Variants in ANK2 observed in about 807,000 individuals in gnomAD.
ANK2 encodes ankyrin-2.
ANK2 carries 83 observed loss-of-function variants against 360.5 expected under a neutral mutation model. The observed-to-expected ratio is 0.23, with a 90% confidence interval of 0.19 to 0.28. The LOEUF is 0.28. Among genes scored for constraint, ANK2 ranks in the 10% least tolerant of loss-of-function variants. The pLI, the probability that ANK2 is intolerant of heterozygous loss-of-function variation, is 1.00. For synonymous variants in ANK2, 1,740 were observed against 1,759.5 expected, an observed-to-expected ratio of 0.99 and a Z score of 0.28; for missense variants, 4,201 against 4,795.7, an observed-to-expected ratio of 0.88 and a Z score of 3.66.
intron 1 of ANK2, among the ~76,000 whole-genome samples, chr4:113,071,516 C>G (rs948860563): frequency 1.6e-4 from 24 of 152,196 alleles, no homozygotes; most frequent in African/African-American, 5.5e-4. Context: ...AGACTCAACT[C>G]AAATCCACCT....
intron 13 of ANK2, among the ~76,000 whole-genome samples, chr4:113,262,497 T>G (rs960664410): frequency 6.6e-6 from 1 of 152,178 alleles, no homozygotes; most frequent in Admixed American, 6.5e-5. Flanking sequence ...CCCAAAGTGC[T>G]GGGATTACAG....
In ANK2 at chr4:113,341,026, T is replaced by A. The variant is rs139363787; in HGVS notation, c.3894-662T>A. Among the ~76,000 whole-genome samples the A allele has an allele frequency of 5.8e-3, 887 of 152,300 alleles. 25 individuals carry two copies. Among genetic ancestry groups the A allele is most frequent in the East Asian group, 0.025 (129 of 5,184 alleles). On this transcript the variant is annotated intron_variant, in intron 32 of 45. Transcript: ENST00000357077. ...ATAAGATTTAGTAACGTTACCATAG[T>A]GAACAAAAAATTGCCAGTCAATGTC...
chr4:112,964,246 T>C (rs2036176558), intron 2 of ANK2, among the ~76,000 whole-genome samples: 1 of 151,196 alleles, frequency 6.6e-6, no homozygotes, highest in Non-Finnish European at 1.5e-5. Flanking sequence ...AATCCAAATA[T>C]ACTCTTTTAG....
At chr4:113,247,997 A>G (rs1197502809) in intron 9 of ANK2, among the ~76,000 whole-genome samples, 13 of 152,232 alleles carry the variant, frequency 8.5e-5, no homozygotes, top group Admixed American at 8.5e-4. Context: ...TAAGGCTCCT[A>G]TCTGGCAAAT....
chr4:112,781,696 C>T, the ANK2 span, among the ~76,000 whole-genome samples: 5 of 151,952 alleles, frequency 3.3e-5, no homozygotes, highest in Non-Finnish European at 5.9e-5. Flanking sequence ...AAAAATTCAT[C>T]AAGCTGTCTA....
At chr4:112,898,694 A>T (rs945278474) in intron 1 of ANK2, among the ~76,000 whole-genome samples, 1 of 152,202 alleles carries the variant, frequency 6.6e-6, no homozygotes, top group East Asian at 1.9e-4. Flanking sequence ...TTGAGAAAAG[A>T]CCTTGAAAAT....
chr4:112,912,351 C>T (rs2087904345), intron 2 of ANK2, among the ~76,000 whole-genome samples: 3 of 152,032 alleles, frequency 2.0e-5, no homozygotes, highest in Admixed American at 2.0e-4. Flanking sequence ...AAAAGATGAC[C>T]AAACCCTGAT....
chr4:113,235,576 A>G (rs1050260087), intron 5 of ANK2, among the ~76,000 whole-genome samples: 1 of 149,000 alleles, frequency 6.7e-6, no homozygotes, highest in Non-Finnish European at 1.5e-5. Context: ...TTACAGGTGC[A>G]CGCCACCACA....
chr4:112,757,033 TA>T, the ANK2 span, among the ~76,000 whole-genome samples: 3 of 151,588 alleles, frequency 2.0e-5, no homozygotes, highest in South Asian at 2.1e-4. Flanking sequence ...TGCCATCACT[TA>T]AAAAAAATTG....
intron 2 of ANK2, among the ~76,000 whole-genome samples, chr4:112,926,961 C>T (rs1010174748): frequency 6.6e-6 from 1 of 152,084 alleles, no homozygotes; most frequent in Non-Finnish European, 1.5e-5. Context: ...AGAAAACTTA[C>T]AATCATGGCC....
At chr4:113,046,994 A>T (rs143161314), upstream of ANK2, among the ~76,000 whole-genome samples, 1 of 152,236 alleles carries the variant, frequency 6.6e-6, no homozygotes, top group African/African-American at 2.4e-5. Flanking sequence ...AAACACATTG[A>T]TTGAAAAACG....
rs754436435 is a variant in ANK2 at position 113,343,062 on chromosome 4, G to T, written c.4168G>T (p.Val1390Leu). The stretch of plus-strand genomic sequence containing the variant: ...CTACGTTGATTGTTTCGGCAACTTG[G>T]TACCATTAACTAAAAGTGGCCAGCA... ...PIYVDCFGNL[V>L]PLTKSGQHHI... The change falls in exon 34 of 46, where the codon GTA (valine) becomes TTA (leucine). Residue 1390 changes from valine to leucine, a missense_variant. Transcript: ENST00000357077. 1 of 1,613,738 alleles carries T rather than the reference G, an allele frequency of 6.2e-7. No individual in the cohort carries two copies. The highest frequency in any genetic ancestry group is 8.5e-7 in the Non-Finnish European group (1 of 1,179,858).
At chr4:113,093,589 C>T (rs929827282) in intron 1 of ANK2, among the ~76,000 whole-genome samples, 1 of 152,166 alleles carries the variant, frequency 6.6e-6, no homozygotes, top group Non-Finnish European at 1.5e-5. Flanking sequence ...ATCTGCCTAC[C>T]TTGGCCTTCC....
At position 113,311,337 on chromosome 4, in the gene ANK2, C is replaced by T. The variant is rs1313812920; in HGVS notation, c.2631C>T (p.Ser877=). 1.9e-6 allele frequency: 3 copies of T among 1,613,954 alleles called. No homozygotes were observed. In the African/African-American group the frequency reaches 4.0e-5, roughly 22 times the overall value. Residue 877 remains serine (S), a synonymous_variant, in exon 24 of 46, where the codon AGC becomes AGT. Transcript: ENST00000357077. ...AACTGGGTGATGACTCACTACCCAG[C>T]AGTCAGTTCCTGGATGGTATGAATT... ...LKELGDDSLP[S]SQFLDGMNYL...
intron 2 of ANK2, among the ~76,000 whole-genome samples, chr4:113,044,286 C>T (rs1370948082): frequency 1.3e-5 from 2 of 152,152 alleles, no homozygotes; most frequent in Non-Finnish European, 2.9e-5. Flanking sequence ...GGGATTCAGC[C>T]TTTCCCCAGT....
At chr4:112,730,124 T>C in the ANK2 span, among the ~76,000 whole-genome samples, 3,003 of 151,124 alleles carry the variant, frequency 0.02, 114 homozygotes, top group African/African-American at 0.07. Flanking sequence ...TGTGGTTGTG[T>C]GTACCTGTAA....
rs148904454 is a variant in ANK2, at chr4:113,356,715, G to A, written c.8097G>A (p.Met2699Ile). Reference sequence around the variant, plus strand: ...CTCCTTCTCCACTTCCATCAAGCATGGACTCCAATTCCAGTCCAGAAGAAG... The same window carrying A: ...CTCCTTCTCCACTTCCATCAAGCATAGACTCCAATTCCAGTCCAGAAGAAG... ...VQPPSPLPSS[M>I]DSNSSPEEVQ... Residue 2699 changes from methionine (M) to isoleucine (I), a missense_variant, in exon 38 of 46, where the codon ATG becomes ATA. Physicochemically the swap from Met to Ile is conservative, Grantham distance 10 (BLOSUM62 1). Around this residue, in one of 4 missense-constraint regions of ANK2, gnomAD observed 2,642 missense variants for 2,714.5 expected, o/e 0.97. Coordinates refer to ENST00000357077, the MANE Select transcript of ANK2 (RefSeq NM_001148.6). The A allele has an allele frequency of 1.7e-5, 27 of 1,613,938 alleles. No homozygotes were observed. The African/African-American group carries it at 2.8e-4, about 17-fold the overall frequency.
chr4:113,292,614 TTAAA>T, intron 21 of ANK2, 100 bp downstream of exon 21: 1 of 1,257,398 alleles, frequency 8.0e-7, no homozygotes, highest in Admixed American at 2.0e-5. Flanking sequence ...TTCCTCCTCT[TTAAA>T]TAAGCCCCCT....
At chr4:112,772,746 G>A in the ANK2 span, among the ~76,000 whole-genome samples, 5 of 152,198 alleles carry the variant, frequency 3.3e-5, no homozygotes, top group Non-Finnish European at 5.9e-5. Flanking sequence ...CCCTCAGCAG[G>A]ATGGGTTTTG....
Sources: gnomAD v4.1 joint callset for allele counts (sites outside exome capture counted in the v4.1 genomes callset) on GRCh38, gnomAD v4.1.1 for gene constraint, gnomAD v4.1.1 regional missense constraint, MANE v1.5 for transcripts, NCBI Gene and HGNC (gene_info 2026-07-23, HGNC 2026-07-21) for gene names.